The following RBFOX1 variants were observed in gnomAD, a reference collection of about 807,000 sequenced individuals.
RBFOX1 encodes RNA binding protein fox-1 homolog 1.
A neutral mutation model predicts 57.7 loss-of-function variants in RBFOX1; 8 were observed. The ratio of observed to expected loss-of-function variants is 0.14; its 90% confidence interval spans 0.08 to 0.25. The LOEUF (loss-of-function observed/expected upper bound fraction) is 0.25. Among genes scored for constraint, RBFOX1 ranks in the 10% least tolerant of loss-of-function variants. The pLI, the probability that RBFOX1 is intolerant of heterozygous loss-of-function variation, is 1.00. For missense variants in RBFOX1, 611 were observed against 548.5 expected (o/e 1.11, Z -1.14); for synonymous variants, 326 against 222.4 (o/e 1.47, Z -4.15).
chr16:5,939,319 A>G (rs891049379), intron 4 of RBFOX1, among the ~76,000 whole-genome samples: 2 of 152,258 alleles, frequency 1.3e-5, no homozygotes, highest in Non-Finnish European at 1.5e-5. Flanking sequence ...TAGTTATTAT[A>G]TGACAGTTTC....
At chr16:5,932,298 C>G (rs1346904776) in intron 4 of RBFOX1, among the ~76,000 whole-genome samples, 1 of 152,224 alleles carries the variant, frequency 6.6e-6, no homozygotes, top group Non-Finnish European at 1.5e-5. Flanking sequence ...TACAGAAGGT[C>G]TGTGGGACTG....
At chr16:7,324,444 C>CATCTGAGAGG (rs1490932814) in intron 4 of RBFOX1, among the ~76,000 whole-genome samples, 7 of 152,112 alleles carry the variant, frequency 4.6e-5, no homozygotes, top group Non-Finnish European at 8.8e-5. Context: ...TGCATCCTCC[C>CATCTGAGAGG]CCCTTCTGAG....
At chr16:6,802,602 G>T (rs1013366026) in intron 3 of RBFOX1, among the ~76,000 whole-genome samples, 1 of 152,164 alleles carries the variant, frequency 6.6e-6, no homozygotes, top group Non-Finnish European at 1.5e-5. Flanking sequence ...GCTTGAACCT[G>T]GGTGGCCGAG....
intron 2 of RBFOX1, among the ~76,000 whole-genome samples, chr16:6,542,691 AC>A (rs2096839836): frequency 1.3e-5 from 2 of 151,282 alleles, no homozygotes; most frequent in African/African-American, 4.9e-5. Context: ...ACGGGGTTTC[AC>A]TGTGTTAGCC....
At chr16:7,679,442 T>C (rs959170071) in intron 14 of RBFOX1, among the ~76,000 whole-genome samples, 1 of 152,116 alleles carries the variant, frequency 6.6e-6, no homozygotes, top group African/African-American at 2.4e-5. Flanking sequence ...TCGTCCAAAA[T>C]AGGAAGTAAA....
intron 4 of RBFOX1, among the ~76,000 whole-genome samples, chr16:5,933,116 A>T (rs2059099745): frequency 6.6e-6 from 1 of 152,204 alleles, no homozygotes; most frequent in East Asian, 1.9e-4. Flanking sequence ...TTCTTCTTCA[A>T]ATGGAAACTT....
chr16:6,296,007 A>T lies in RBFOX1; in HGVS notation c.-126-20988A>T, dbSNP rs2078057543. Among the ~76,000 whole-genome samples, 4 of 152,296 alleles carry T rather than the reference A, an allele frequency of 2.6e-5. 1 individual carries two copies. In the East Asian group the frequency reaches 5.8e-4, roughly 22 times the overall value. On this transcript the variant is annotated intron_variant, in intron 1 of 15. Transcript: ENST00000550418. ...GGAATGGAATAACAAGGCTTAGGAG[A>T]TAATCATCAAACAACGTCTCCCTCT...
chr16:7,020,682 G>A (rs899384717), intron 3 of RBFOX1, among the ~76,000 whole-genome samples: 4 of 152,158 alleles, frequency 2.6e-5, no homozygotes, highest in Non-Finnish European at 4.4e-5. Flanking sequence ...GACACTGTCT[G>A]TGTCATCACA....
chr16:7,153,795 G>C (rs971517618), intron 4 of RBFOX1, among the ~76,000 whole-genome samples: 1 of 151,610 alleles, frequency 6.6e-6, no homozygotes, highest in Non-Finnish European at 1.5e-5. Context: ...CTTGTTTTCA[G>C]TTATCATGAG....
chr16:6,678,164 C>G (rs2058057093), intron 3 of RBFOX1, among the ~76,000 whole-genome samples: 1 of 152,190 alleles, frequency 6.6e-6, no homozygotes, highest in Admixed American at 6.5e-5. Context: ...CGCTCTGTCG[C>G]CCAGGCTGGA....
Position 6,572,527 on chromosome 16 carries a change from G to T in RBFOX1, c.-63-82076G>T, listed in dbSNP as rs550519541. On this transcript the variant is annotated intron_variant, in intron 2 of 15. Coordinates refer to ENST00000550418, the MANE Select transcript of RBFOX1 (RefSeq NM_018723.4). ...CTTCCATTATTTAGCGTGAACCGTA[G>T]CATAGCCAGGCAAGATTGCTGAGTC... is the stretch of plus-strand genomic sequence containing the variant. 4.6e-5 allele frequency among the ~76,000 whole-genome samples: 7 copies of T among 152,058 alleles called. No individual in the cohort carries two copies. The South Asian group carries it at 1.5e-3, about 32-fold the overall frequency.
chr16:6,917,400 A>G (rs1168172835), intron 3 of RBFOX1, among the ~76,000 whole-genome samples: 1 of 152,196 alleles, frequency 6.6e-6, no homozygotes, highest in African/African-American at 2.4e-5. Flanking sequence ...GTAGCTCTAT[A>G]TCTTATAAAG....
At chr16:6,980,197 G>A (rs2088338883) in intron 3 of RBFOX1, among the ~76,000 whole-genome samples, 1 of 152,126 alleles carries the variant, frequency 6.6e-6, no homozygotes, top group Non-Finnish European at 1.5e-5. Context: ...GCATCCAAAA[G>A]CAATTCTAGC....
intron 2 of RBFOX1, among the ~76,000 whole-genome samples, chr16:6,568,722 C>T (rs1327656354): frequency 6.6e-6 from 1 of 152,120 alleles, no homozygotes; most frequent in Non-Finnish European, 1.5e-5. Flanking sequence ...TCTTCCATTT[C>T]AGGGGCCAGT....
At chr16:6,753,216 A>G (rs1206710998) in intron 3 of RBFOX1, among the ~76,000 whole-genome samples, 2 of 152,202 alleles carry the variant, frequency 1.3e-5, no homozygotes, top group East Asian at 1.9e-4. Context: ...GGATGGACAG[A>G]TGGAAATAGC....
At chr16:6,428,593 A>C (rs1273409084) in intron 2 of RBFOX1, among the ~76,000 whole-genome samples, 1 of 152,178 alleles carries the variant, frequency 6.6e-6, no homozygotes, top group Non-Finnish European at 1.5e-5. Context: ...TCTAGGAATT[A>C]ATGTATGTAA....
At chr16:7,367,232 C>T (rs1489857929) in intron 4 of RBFOX1, among the ~76,000 whole-genome samples, 1 of 152,140 alleles carries the variant, frequency 6.6e-6, no homozygotes. Context: ...AAAGACGAGA[C>T]TGTAAATCAG....
chr16:5,446,274 A>G (rs1263039928), intron 1 of RBFOX1, among the ~76,000 whole-genome samples: 1 of 152,202 alleles, frequency 6.6e-6, no homozygotes, highest in Non-Finnish European at 1.5e-5. Context: ...GCAAAACATC[A>G]GGAATGGTGC....
intron 2 of RBFOX1, among the ~76,000 whole-genome samples, chr16:6,559,530 C>G (rs1178352820): frequency 6.6e-6 from 1 of 151,936 alleles, no homozygotes; most frequent in Non-Finnish European, 1.5e-5. Context: ...AAATGGGAAG[C>G]TTTTTGAACT....
Sources: gnomAD v4.1 joint callset for allele counts (sites outside exome capture counted in the v4.1 genomes callset) on GRCh38, gnomAD v4.1.1 for gene constraint, MANE v1.5 for transcripts, NCBI Gene and HGNC (gene_info 2026-07-23, HGNC 2026-07-21) for gene names.